The following CTNNBIP1 variants were observed in gnomAD, a reference collection of about 807,000 sequenced individuals.
CTNNBIP1 encodes the protein beta-catenin-interacting protein 1.
A neutral mutation model predicts 11.8 loss-of-function variants in CTNNBIP1; 7 were observed. The observed-to-expected ratio is 0.60, with a 90% CI of 0.34 to 1.12. The LOEUF (loss-of-function observed/expected upper bound fraction) is 1.12, where lower values mean the gene tolerates loss of function less well. Ranked by LOEUF, CTNNBIP1 falls within the 50% of genes most tolerant of loss-of-function variation. The pLI, the probability that CTNNBIP1 is intolerant of heterozygous loss-of-function variation, is 0.03. For missense variants in CTNNBIP1, 101 were observed against 113.4 expected, an observed-to-expected ratio of 0.89 and a Z score of 0.50; for synonymous variants, 58 against 43.9, an observed-to-expected ratio of 1.32 and a Z score of -1.26.
intron 5 of CTNNBIP1, among the ~76,000 whole-genome samples, chr1:9,855,343 T>C (rs1638479469): frequency 6.7e-6 from 1 of 149,660 alleles, no homozygotes; most frequent in Non-Finnish European, 1.5e-5. Flanking sequence ...CAACACCACC[T>C]TGAAAAAGAA....
At chr1:9,892,193 C>T (rs1639317622) in intron 1 of CTNNBIP1, among the ~76,000 whole-genome samples, 1 of 151,950 alleles carries the variant, frequency 6.6e-6, no homozygotes, top group Admixed American at 6.5e-5. Context: ...GAAGCTGAGG[C>T]GGGCGGATCA....
At chr1:9,870,234 G>A (rs2101476330) in intron 5 of CTNNBIP1, among the ~76,000 whole-genome samples, 1 of 152,362 alleles carries the variant, frequency 6.6e-6, no homozygotes, top group South Asian at 2.1e-4. Context: ...GCTCGCGTCT[G>A]GACATGCCAC....
At chr1:9,889,523 C>G (rs933796682) in intron 1 of CTNNBIP1, among the ~76,000 whole-genome samples, 9 of 152,174 alleles carry the variant, frequency 5.9e-5, no homozygotes, top group African/African-American at 1.9e-4. Context: ...CTAGAACTTC[C>G]TTCCCTCCCT....
At chr1:9,860,520 G>A (rs1212383964) in intron 5 of CTNNBIP1, among the ~76,000 whole-genome samples, 1 of 149,524 alleles carries the variant, frequency 6.7e-6, no homozygotes, top group East Asian at 1.9e-4. Context: ...TGAGGCAGGA[G>A]AGTCGCTTGA....
intron 1 of CTNNBIP1, among the ~76,000 whole-genome samples, chr1:9,900,453 C>A (rs1008109047): frequency 1.3e-5 from 2 of 152,204 alleles, no homozygotes; most frequent in Admixed American, 1.3e-4. Context: ...AGTGCTCTTG[C>A]CAGTGCAGTG....
At chr1:9,900,704 G>C (rs1335681641) in intron 1 of CTNNBIP1, among the ~76,000 whole-genome samples, 3 of 152,218 alleles carry the variant, frequency 2.0e-5, no homozygotes, top group South Asian at 2.1e-4. Context: ...AACTCTGGAA[G>C]ACTGCTCTGT....
chr1:9,863,416 C>A (rs1213035431), intron 5 of CTNNBIP1, among the ~76,000 whole-genome samples: 1 of 152,236 alleles, frequency 6.6e-6, no homozygotes, highest in African/African-American at 2.4e-5. Flanking sequence ...CTGTTACCGC[C>A]TGGAGCCTCT....
At chr1:9,891,781 ATTTT>A (rs70998316) in intron 1 of CTNNBIP1, among the ~76,000 whole-genome samples, 1,645 of 81,404 alleles carry the variant, frequency 0.02, 27 homozygotes, top group African/African-American at 0.076. Context: ...ATCTCTTTAA[ATTTT>A]TTTTTTTTTT....
At chr1:9,878,528 A>G (rs1417365059) in intron 2 of CTNNBIP1, among the ~76,000 whole-genome samples, 1 of 152,150 alleles carries the variant, frequency 6.6e-6, no homozygotes, top group Non-Finnish European at 1.5e-5. Context: ...AACACACGAA[A>G]AGCACAGTCG....
intron 5 of CTNNBIP1, among the ~76,000 whole-genome samples, chr1:9,852,536 G>C (rs991456634): frequency 6.6e-6 from 1 of 152,144 alleles, no homozygotes; most frequent in Non-Finnish European, 1.5e-5. Context: ...TTCTGTTTTC[G>C]CCTGAGCCCT....
At chr1:9,853,463 G>A (rs1051127412) in intron 5 of CTNNBIP1, among the ~76,000 whole-genome samples, 1 of 152,154 alleles carries the variant, frequency 6.6e-6, no homozygotes, top group African/African-American at 2.4e-5. Flanking sequence ...ATCATGACTC[G>A]ATCCCTCAGA....
chr1:9,866,752 G>A, intron 5 of CTNNBIP1, among the ~76,000 whole-genome samples: 1 of 152,098 alleles, frequency 6.6e-6, no homozygotes, highest in East Asian at 1.9e-4. Flanking sequence ...TCCAGCTGTG[G>A]GGGTAGAGAG....
At chr1:9,873,243 T>A (rs1194599882) in intron 3 of CTNNBIP1, among the ~76,000 whole-genome samples, 1 of 152,138 alleles carries the variant, frequency 6.6e-6, no homozygotes, top group Non-Finnish European at 1.5e-5. Context: ...TAGGTCTCTT[T>A]CCAGCAACTT....
At chr1:9,886,403 T>A (rs1161801820) in intron 1 of CTNNBIP1, among the ~76,000 whole-genome samples, 1 of 152,162 alleles carries the variant, frequency 6.6e-6, no homozygotes, top group Non-Finnish European at 1.5e-5. Context: ...ATCGAATATA[T>A]CTTCTGACGT....
At chr1:9,899,087 G>A (rs1302930484) in intron 1 of CTNNBIP1, among the ~76,000 whole-genome samples, 3 of 152,106 alleles carry the variant, frequency 2.0e-5, no homozygotes, top group Admixed American at 6.6e-5. Context: ...TATTTTTGTG[G>A]TTGGTTTAAT....
rs3889002 is a variant in CTNNBIP1, at chr1:9,863,573, G to A, written c.187+7614C>T. On this transcript the variant is annotated intron_variant, in intron 5 of 5. Coordinates refer to ENST00000377263, the MANE Select transcript of CTNNBIP1 (RefSeq NM_020248.3). The stretch of plus-strand genomic sequence containing the variant: ...CTCCAGCAGCCTGGCCCTGGAAGGC[G>A]CAGTCCAGGCATCCATCCAGCAGAC... 2.0e-5 allele frequency among the ~76,000 whole-genome samples: 3 copies of A among 152,320 alleles called. No individual in the cohort carries two copies. The East Asian group carries it at 5.8e-4, about 29-fold the overall frequency.
intron 1 of CTNNBIP1, among the ~76,000 whole-genome samples, chr1:9,891,036 G>A (rs577866226): frequency 4.6e-5 from 7 of 152,006 alleles, no homozygotes; most frequent in African/African-American, 1.2e-4. Context: ...CATCAATCCC[G>A]CTGTCAAAAG....
intron 1 of CTNNBIP1, among the ~76,000 whole-genome samples, chr1:9,900,692 C>T (rs1468590294): frequency 1.3e-5 from 2 of 152,224 alleles, no homozygotes; most frequent in Non-Finnish European, 2.9e-5. Flanking sequence ...CATCCCACCA[C>T]AAACTCTGGA....
intron 5 of CTNNBIP1, among the ~76,000 whole-genome samples, chr1:9,852,108 T>A (rs1288405543): frequency 6.7e-6 from 1 of 150,360 alleles, no homozygotes; most frequent in Non-Finnish European, 1.5e-5. Flanking sequence ...GTGTGGGGAG[T>A]GTGAAGTGAG....
Sources: allele counts gnomAD v4.1 joint callset (sites outside exome capture counted in the v4.1 genomes callset), GRCh38; gene constraint gnomAD v4.1.1; transcripts MANE v1.5; gene names NCBI Gene and HGNC (gene_info 2026-07-23, HGNC 2026-07-21).